Variants in CFAP47 observed in about 807,000 individuals in gnomAD.
CFAP47 encodes the protein cilia- and flagella-associated protein 47.
CFAP47 carries 29 observed loss-of-function variants against 148.1 expected under a neutral mutation model. That is an observed-to-expected ratio of 0.20 (90% CI 0.15 to 0.27). The LOEUF (loss-of-function observed/expected upper bound fraction) is 0.27. CFAP47 is among the 10% of genes least tolerant of loss of function. CFAP47 has a pLI of 1.00. For synonymous variants in CFAP47, 664 were observed against 577.3 expected, an observed-to-expected ratio of 1.15 and a Z score of -2.15; for missense variants, 1,872 against 1,697.5, an observed-to-expected ratio of 1.10 and a Z score of -1.81.
chrX:36,244,199 C>T (rs1013692986), intron 48 of CFAP47, among the ~76,000 whole-genome samples: 22 of 110,786 alleles, frequency 2.0e-4, no homozygotes, highest in Non-Finnish European at 4.2e-4. Flanking sequence ...AAACTTGAGG[C>T]ATAACTTATA....
intron 39 of CFAP47, among the ~76,000 whole-genome samples, chrX:36,176,345 G>A (rs1939681193): frequency 8.9e-6 from 1 of 112,230 alleles, no homozygotes; most frequent in South Asian, 3.7e-4. Flanking sequence ...TGGTTCTAAT[G>A]CTGTAATTCT....
intron 49 of CFAP47, among the ~76,000 whole-genome samples, chrX:36,254,741 A>G (rs1218615821): frequency 9.0e-6 from 1 of 111,635 alleles, no homozygotes; most frequent in African/African-American, 3.3e-5. Flanking sequence ...GTTACTGCTG[A>G]AAACTGAGGG....
chrX:36,210,226 A>G (rs190003277), intron 45 of CFAP47, among the ~76,000 whole-genome samples: 2 of 112,309 alleles, frequency 1.8e-5, no homozygotes, highest in Admixed American at 9.5e-5. Context: ...ATCTGTGAGT[A>G]GAAGGGTTGA....
At chrX:35,928,661 G>A (rs574410416) in intron 2 of CFAP47, among the ~76,000 whole-genome samples, 5 of 109,409 alleles carry the variant, frequency 4.6e-5, no homozygotes, top group South Asian at 7.6e-4. Flanking sequence ...TTTTTTAAAC[G>A]TTCAATGATG....
intron 39 of CFAP47, among the ~76,000 whole-genome samples, chrX:36,168,167 C>G (rs1471401076): frequency 9.0e-6 from 1 of 111,301 alleles, no homozygotes; most frequent in Non-Finnish European, 1.9e-5. Flanking sequence ...AGTGTTTAGT[C>G]TGTTAAATTT....
At chrX:36,301,990 G>A (rs1303640361) in intron 53 of CFAP47, among the ~76,000 whole-genome samples, 1 of 108,606 alleles carries the variant, frequency 9.2e-6, no homozygotes, top group African/African-American at 3.4e-5. Flanking sequence ...CATTCTTCCA[G>A]TACCAGCTCT....
chrX:35,982,038 G>A lies in CFAP47; in HGVS notation c.2713+6125G>A, dbSNP rs1601914959. Among the ~76,000 whole-genome samples the A allele has an allele frequency of 2.7e-5, 3 of 111,836 alleles. No homozygotes were observed. The South Asian group carries it at 1.1e-3, about 42-fold the overall frequency. ...TTCCTTTGGCTATATACCCAATAAT[G>A]GGATTGCTGGGTCAAATGGTATTTC... On this transcript the variant is annotated intron_variant, in intron 15 of 63. Coordinates refer to ENST00000378653, the MANE Select transcript of CFAP47 (RefSeq NM_001304548.2).
rs1341917385 is a variant in CFAP47, at chrX:36,353,461, T to G, written c.8699-68T>G. ...TTTTATTTTTATGACATAGTTCATT[T>G]TCTTCTATCTCAAGAATGATCATAT... On this transcript the variant is annotated intron_variant, in intron 59 of 63. Transcript: ENST00000378653. 2.1e-5 allele frequency: 20 copies of G among 971,133 alleles called. No individual in the cohort carries two copies. The East Asian group carries it at 5.5e-4, about 27-fold the overall frequency. 80.0% of individuals were successfully genotyped at this position (971,133 alleles called of 1,213,427 possible). A position where few individuals can be genotyped will look rare whatever the true frequency, so the allele number is the denominator to read the frequency against.
chrX:36,069,222 ATC>A (rs1373294005), intron 27 of CFAP47, among the ~76,000 whole-genome samples: 14 of 111,175 alleles, frequency 1.3e-4, no homozygotes, highest in African/African-American at 4.2e-4. Flanking sequence ...TACTGATAAT[ATC>A]TGTTTTACCT....
chrX:36,018,528 T>G (rs1937122672), intron 22 of CFAP47, among the ~76,000 whole-genome samples: 1 of 111,899 alleles, frequency 8.9e-6, no homozygotes, highest in Non-Finnish European at 1.9e-5. Flanking sequence ...CTATCTCCAG[T>G]TTTTTGAGGG....
At chrX:36,300,283 C>A (rs1941285234) in intron 52 of CFAP47, among the ~76,000 whole-genome samples, 1 of 100,103 alleles carries the variant, frequency 1.0e-5, no homozygotes, top group African/African-American at 4.1e-5. Context: ...GATACCATCC[C>A]AGTTATACTT....
At chrX:36,145,804 C>T (rs895025506) in intron 36 of CFAP47, among the ~76,000 whole-genome samples, 1 of 109,185 alleles carries the variant, frequency 9.2e-6, no homozygotes, top group Non-Finnish European at 1.9e-5. Flanking sequence ...GTAATTGTAA[C>T]TTCTTTGAGA....
intron 23 of CFAP47, among the ~76,000 whole-genome samples, chrX:36,032,104 A>G (rs1259903794): frequency 1.8e-5 from 2 of 111,597 alleles, no homozygotes. Context: ...TAGAACTTCA[A>G]GGATACAAAG....
intron 35 of CFAP47, 97 bp downstream of exon 35, chrX:36,138,561 T>G (rs1939086589): frequency 1.9e-5 from 18 of 944,299 alleles, no homozygotes; most frequent in Non-Finnish European, 2.4e-5. Context: ...TTTTTGAAAT[T>G]TAAATTGAAA....
At chrX:36,100,979 G>A (rs1938366375) in intron 32 of CFAP47, among the ~76,000 whole-genome samples, 1 of 110,973 alleles carries the variant, frequency 9.0e-6, no homozygotes, top group Non-Finnish European at 1.9e-5. Context: ...CTCCTTTGGA[G>A]TCAGCCACCC....
chrX:36,085,468 C>G lies in CFAP47; in HGVS notation c.4846C>G (p.Pro1616Ala). The change falls in exon 30 of 64, where the codon CCT becomes GCT. Residue 1616 changes from proline to alanine, a missense_variant. Physicochemically the swap from Pro to Ala is conservative, Grantham distance 27. Coordinates refer to ENST00000378653, the MANE Select transcript of CFAP47 (RefSeq NM_001304548.2). ...TGGAATTAATTCAAGTCAATCTTTA[C>G]CTGTAGATAACCATGAAAAAAGGGT... ...PPGINSSQSL[P>A]VDNHEKRVIQ... is the part of the protein sequence containing the mutation. The G allele has an allele frequency of 8.3e-7, 1 of 1,207,117 alleles. No homozygotes were observed. The highest frequency in any genetic ancestry group is 1.1e-6 in the Non-Finnish European group (1 of 892,398).
chrX:35,924,028 T>G (rs191931170), intron 1 of CFAP47, among the ~76,000 whole-genome samples: 2 of 96,378 alleles, frequency 2.1e-5, no homozygotes, highest in Non-Finnish European at 4.0e-5. Flanking sequence ...TGCACATATA[T>G]ATGCACATAT....
At position 36,353,607 on chromosome X, in the gene CFAP47, G is replaced by A. The variant is rs1941761322; in HGVS notation, c.8777G>A (p.Ser2926Asn). 2 of 1,160,790 alleles carry A rather than the reference G, an allele frequency of 1.7e-6. No homozygotes were observed. The highest frequency in any genetic ancestry group is 2.3e-6 in the Non-Finnish European group (2 of 868,448). Residue 2926 changes from serine (S) to asparagine (N), a missense_variant, in exon 60 of 64, where the codon AGT (serine) becomes AAT (asparagine). Coordinates refer to ENST00000378653, the MANE Select transcript of CFAP47 (RefSeq NM_001304548.2). Reference protein sequence around the residue: ...IILNAGFFGFSLTPDLTEVLV... With the variant: ...IILNAGFFGFNLTPDLTEVLV... ...CTGAATGCTGGTTTTTTCGGATTTA[G>A]TCTTACTCCAGATCTGACAGAAGTT...
At position 36,035,725 on chromosome X, in the gene CFAP47, C is replaced by T. The variant is rs752309914; in HGVS notation, c.3682C>T (p.His1228Tyr). The change falls in exon 24 of 64, where the codon CAT (histidine) becomes TAT (tyrosine). Residue 1228 changes from histidine (H) to tyrosine (Y), a missense_variant. By Grantham distance (83) the His-to-Tyr change is moderately conservative. Coordinates refer to ENST00000378653, the MANE Select transcript of CFAP47 (RefSeq NM_001304548.2). ...TGTTTTATATAATATTACCAAACAC[C>T]ATGTGACATGGACTTTGGATCTTAG... is the stretch of plus-strand genomic sequence containing the variant. ...NLVLYNITKH[H>Y]VTWTLDLSNT... The T allele has an allele frequency of 2.3e-4, 67 of 293,649 alleles. 1 individual carries two copies. In the South Asian group the frequency reaches 0.012, roughly 52 times the overall value. The allele number at this position is 293,649 out of a possible 1,213,427, so 24.2% of individuals were successfully genotyped here.
Sources: allele counts gnomAD v4.1 joint callset (sites outside exome capture counted in the v4.1 genomes callset), GRCh38; gene constraint gnomAD v4.1.1; transcripts MANE v1.5; gene names NCBI Gene and HGNC (gene_info 2026-07-23, HGNC 2026-07-21).